Variants in SLC1A2 observed in about 807,000 individuals in gnomAD.
SLC1A2 encodes the protein solute carrier family 1 member 2, also known as excitatory amino acid transporter 2.
A neutral mutation model predicts 48.8 loss-of-function variants in SLC1A2; 15 were observed. The ratio of observed to expected loss-of-function variants is 0.31; its 90% CI spans 0.21 to 0.47. The LOEUF (loss-of-function observed/expected upper bound fraction) is 0.47, where lower values mean the gene tolerates loss of function less well. Among genes scored for constraint, SLC1A2 ranks in the 20% least tolerant of loss-of-function variants. SLC1A2 has a pLI of 0.99. For synonymous variants in SLC1A2, 279 were observed against 272.6 expected (o/e 1.02, Z -0.23); for missense variants, 502 against 730.5 (o/e 0.69, Z 3.61).
rs1389119090 is a variant in SLC1A2, at chr11:35,346,057, T to TC, written c.18-28542dup. On this transcript the variant is annotated intron_variant, in intron 1 of 10. Coordinates refer to ENST00000278379, the MANE Select transcript of SLC1A2 (RefSeq NM_004171.4). ...CAACAATTAAAACGCAGACCCATGT[T>TC]CTTTTTTTTTTTCTTTATACTTTAA... Among the ~76,000 whole-genome samples the TC allele has an allele frequency of 4.6e-5, 7 of 151,772 alleles. 1 individual carries two copies. The South Asian group carries it at 1.5e-3, about 32-fold the overall frequency.
intron 1 of SLC1A2, chr11:35,360,142 C>T (rs1359064093): frequency 9.3e-6 from 9 of 969,028 alleles, no homozygotes; most frequent in African/African-American, 7.0e-5. Flanking sequence ...GAAAAGCTGT[C>T]GGGGGCTTTA....
chr11:35,333,077 G>A (rs1035916265), intron 1 of SLC1A2, among the ~76,000 whole-genome samples: 1 of 152,098 alleles, frequency 6.6e-6, no homozygotes, highest in Admixed American at 6.5e-5. Flanking sequence ...TTCACTCTCC[G>A]AACAGGTCTC....
intron 10 of SLC1A2, among the ~76,000 whole-genome samples, chr11:35,263,402 A>G (rs1315313627): frequency 2.0e-5 from 3 of 152,182 alleles, no homozygotes; most frequent in Non-Finnish European, 2.9e-5. Flanking sequence ...TGGGAGGCGG[A>G]GGTTGTGGTG....
At chr11:35,347,439 G>C (rs987065720) in intron 1 of SLC1A2, among the ~76,000 whole-genome samples, 3 of 152,164 alleles carry the variant, frequency 2.0e-5, no homozygotes, top group Non-Finnish European at 4.4e-5. Flanking sequence ...TCATCTCATG[G>C]GCAAAGTCCA....
At position 35,260,526 on chromosome 11, in the gene SLC1A2, T is replaced by C; in HGVS notation, c.*368A>G. 3 of 217,690 alleles carry C rather than the reference T, an allele frequency of 1.4e-5. No homozygotes were observed. Among genetic ancestry groups the C allele is most frequent in the Non-Finnish European group, 2.8e-5 (3 of 107,500 alleles). 13.5% of individuals were successfully genotyped at this position (217,690 alleles called of 1,614,324 possible). ...CTGTGTGTTTGCTCATTTTCCCAAG[T>C]CCCTGGAGTGTACCACACTGCTTTA... On this transcript the variant is annotated 3_prime_UTR_variant, in exon 11 of 11. Coordinates refer to ENST00000278379, the MANE Select transcript of SLC1A2 (RefSeq NM_004171.4).
At chr11:35,365,885 A>C (rs573369004) in intron 1 of SLC1A2, among the ~76,000 whole-genome samples, 1 of 152,304 alleles carries the variant, frequency 6.6e-6, no homozygotes, top group African/African-American at 2.4e-5. Context: ...AACACGTGGC[A>C]ACACCTGGAG....
intron 1 of SLC1A2, among the ~76,000 whole-genome samples, chr11:35,390,306 A>G (rs1309493944): frequency 6.6e-6 from 1 of 152,226 alleles, no homozygotes; most frequent in Non-Finnish European, 1.5e-5. Context: ...ACACACAGGC[A>G]TTCACACACC....
At chr11:35,399,524 G>T (rs949846844) in intron 1 of SLC1A2, 1 of 652,210 alleles carries the variant, frequency 1.5e-6, no homozygotes, top group Admixed American at 6.3e-5. Context: ...GGAGAAGGAG[G>T]AGGCAATGGT....
At chr11:35,386,688 C>T (rs1854593719) in intron 1 of SLC1A2, among the ~76,000 whole-genome samples, 1 of 152,140 alleles carries the variant, frequency 6.6e-6, no homozygotes, top group Non-Finnish European at 1.5e-5. Flanking sequence ...AAAGCAATAG[C>T]TAACATACTA....
At position 35,252,940 on chromosome 11, in the gene SLC1A2, G is replaced by A. The variant is rs1466095205; in HGVS notation, c.*7954C>T. On this transcript the variant is annotated 3_prime_UTR_variant, in exon 11 of 11. Transcript: ENST00000278379. ...TTGAAAATAGATACAATTATTGCCA[G>A]TCGAGGGTACATCTAATCTGTTTGT... 3 of 152,610 alleles carry A rather than the reference G, an allele frequency of 2.0e-5. No homozygotes were observed. The highest frequency in any genetic ancestry group is 7.2e-5 in the African/African-American group (3 of 41,460). 9.5% of individuals were successfully genotyped at this position (152,610 alleles called of 1,614,324 possible).
chr11:35,399,758 A>G (rs1237511991), intron 1 of SLC1A2: 1 of 169,030 alleles, frequency 5.9e-6, no homozygotes, highest in African/African-American at 2.4e-5. Context: ...TCAGTAGAAG[A>G]AAGCAAAGTT....
At chr11:35,348,053 G>A (rs1241574279) in intron 1 of SLC1A2, among the ~76,000 whole-genome samples, 1 of 152,212 alleles carries the variant, frequency 6.6e-6, no homozygotes, top group Non-Finnish European at 1.5e-5. Flanking sequence ...CACCTGGGTT[G>A]AATTCAGGCC....
intron 6 of SLC1A2, chr11:35,298,608 A>G (rs1851243375): frequency 1.3e-5 from 2 of 152,230 alleles, no homozygotes. Context: ...AGATGAGGTA[A>G]CCAAACAGCT....
Position 35,359,409 on chromosome 11 carries a change from A to G in SLC1A2, c.18-41893T>C, listed in dbSNP as rs559930832. ...AGTCACCACTTACCTGCTATACTGC[A>G]GAGAAAAAGCTGTCAGCTGCTTTAA... is the stretch of plus-strand genomic sequence containing the variant. On this transcript the variant is annotated intron_variant, in intron 1 of 10. Transcript: ENST00000278379. Among the ~76,000 whole-genome samples, 13 of 152,366 alleles carry G rather than the reference A, an allele frequency of 8.5e-5. No homozygotes were observed. In the East Asian group the frequency reaches 2.5e-3, roughly 29 times the overall value.
intron 1 of SLC1A2, among the ~76,000 whole-genome samples, chr11:35,408,521 AT>A (rs1324547721): frequency 1.3e-5 from 2 of 152,194 alleles, no homozygotes; most frequent in Admixed American, 1.3e-4. Context: ...CATGTAAGAA[AT>A]GCCTTTCACC....
chr11:35,323,010 T>C (rs1362384672), intron 1 of SLC1A2: 7 of 517,274 alleles, frequency 1.4e-5, no homozygotes, highest in African/African-American at 5.8e-5. Context: ...CTCTGACAGA[T>C]ACCGTGTTGT....
At chr11:35,302,481 T>G (rs1851385426) in intron 5 of SLC1A2, among the ~76,000 whole-genome samples, 1 of 152,192 alleles carries the variant, frequency 6.6e-6, no homozygotes, top group South Asian at 2.1e-4. Flanking sequence ...CACATCAGCC[T>G]TTGGGGTCAA....
chr11:35,361,095 C>T (rs1182651529), intron 1 of SLC1A2, among the ~76,000 whole-genome samples: 1 of 152,062 alleles, frequency 6.6e-6, no homozygotes, highest in East Asian at 1.9e-4. Flanking sequence ...AGGGTGGTCT[C>T]AAACTCCTGA....
Position 35,317,207 on chromosome 11 carries a change from A to T in SLC1A2, c.157+170T>A. 5 of 607,320 alleles carry T rather than the reference A, an allele frequency of 8.2e-6. No homozygotes were observed. In the East Asian group the frequency reaches 1.4e-4, roughly 17 times the overall value. The allele number at this position is 607,320 out of a possible 1,614,324, so 37.6% of individuals were successfully genotyped here. A position where few individuals can be genotyped will look rare whatever the true frequency, so the allele number is the denominator to read the frequency against. On this transcript the variant is annotated intron_variant, in intron 2 of 10. Coordinates refer to ENST00000278379, the MANE Select transcript of SLC1A2 (RefSeq NM_004171.4). Reference sequence around the variant, plus strand: ...AATCCAAAGGAGAATGAATGGCTAGAGGAGGTAAGGAGGAAAATTATATCA... The same window carrying T: ...AATCCAAAGGAGAATGAATGGCTAGTGGAGGTAAGGAGGAAAATTATATCA...
Sources: allele counts gnomAD v4.1 joint callset (sites outside exome capture counted in the v4.1 genomes callset), GRCh38; gene constraint gnomAD v4.1.1; transcripts MANE v1.5; gene names NCBI Gene and HGNC (gene_info 2026-07-23, HGNC 2026-07-21).